The following NEK1 variants were observed in gnomAD, a reference collection of about 807,000 sequenced individuals.
The protein encoded by NEK1 is serine/threonine-protein kinase Nek1.
A neutral mutation model predicts 182.1 loss-of-function variants in NEK1; 137 were observed. That is an observed-to-expected ratio of 0.75 (90% CI 0.65 to 0.87). NEK1 has a LOEUF of 0.87. NEK1 is among the 40% of genes least tolerant of loss of function. The pLI, the probability that NEK1 is intolerant of heterozygous loss-of-function variation, is 0.00. For synonymous variants in NEK1, 513 were observed against 492.2 expected, an observed-to-expected ratio of 1.04 and a Z score of -0.56; for missense variants, 1,391 against 1,494.4, an observed-to-expected ratio of 0.93 and a Z score of 1.14.
intron 27 of NEK1, among the ~76,000 whole-genome samples, chr4:169,459,734 C>A (rs1412358219): frequency 6.6e-6 from 1 of 152,116 alleles, no homozygotes; most frequent in Non-Finnish European, 1.5e-5. Context: ...AAAAAGATTA[C>A]AGAGGAACCT....
chr4:169,526,254 T>C (rs1756879089), intron 19 of NEK1, among the ~76,000 whole-genome samples: 1 of 152,208 alleles, frequency 6.6e-6, no homozygotes, highest in Non-Finnish European at 1.5e-5. Flanking sequence ...TTTGGTAGAC[T>C]GACATGGGAG....
At chr4:169,421,216 T>C (rs1275645466) in intron 31 of NEK1, among the ~76,000 whole-genome samples, 1 of 152,138 alleles carries the variant, frequency 6.6e-6, no homozygotes, top group African/African-American at 2.4e-5. Flanking sequence ...TTTCAGTAAT[T>C]GATAAGTAGA....
intron 31 of NEK1, among the ~76,000 whole-genome samples, chr4:169,407,992 T>A (rs1461545397): frequency 6.6e-6 from 1 of 152,254 alleles, no homozygotes. Flanking sequence ...GTATTTCTTT[T>A]GCTGAATTTC....
At chr4:169,551,232 C>A (rs570281036) in intron 18 of NEK1, among the ~76,000 whole-genome samples, 14 of 152,052 alleles carry the variant, frequency 9.2e-5, no homozygotes, top group African/African-American at 3.4e-4. Flanking sequence ...AATACTGGCC[C>A]AGGGGCAATA....
intron 19 of NEK1, among the ~76,000 whole-genome samples, chr4:169,523,439 G>A (rs1756414514): frequency 6.6e-6 from 1 of 152,186 alleles, no homozygotes; most frequent in Non-Finnish European, 1.5e-5. Flanking sequence ...AACACAACAT[G>A]AAGATGAAGG....
In NEK1 at chr4:169,580,851, G is replaced by C. The variant is rs35222922; in HGVS notation, c.859C>G (p.Pro287Ala). The C allele has an allele frequency of 1.1e-4, 172 of 1,529,084 alleles. No homozygotes were observed. The East Asian group carries it at 3.4e-3, about 30-fold the overall frequency. 94.7% of individuals were successfully genotyped at this position (1,529,084 alleles called of 1,614,324 possible). ...ATCAGATTTCATTTACCTGGTATAG[G>C]CTGTGATCCAAACTTCGAAAATGTT... ...LKTFSKFGSQ[P>A]IPAKRPASGQ... is the part of the protein sequence containing the mutation. The change falls in exon 11 of 36, where the codon CCT becomes GCT. Residue 287 changes from proline to alanine, a missense_variant. By Grantham distance (27) the Pro-to-Ala change is conservative. Transcript: ENST00000507142.
At chr4:169,455,118 A>C (rs1742596421) in intron 27 of NEK1, among the ~76,000 whole-genome samples, 1 of 152,164 alleles carries the variant, frequency 6.6e-6, no homozygotes, top group African/African-American at 2.4e-5. Flanking sequence ...ATAGGTGGGA[A>C]CTGAACAATG....
At chr4:169,576,023 G>A (rs749080551) in intron 12 of NEK1, among the ~76,000 whole-genome samples, 1 of 151,406 alleles carries the variant, frequency 6.6e-6, no homozygotes, top group African/African-American at 2.4e-5. Context: ...TAGTGCAGTG[G>A]CGCACTCTTT....
At chr4:169,559,261 C>CGG (rs1202539870) in intron 16 of NEK1, among the ~76,000 whole-genome samples, 1 of 152,058 alleles carries the variant, frequency 6.6e-6, no homozygotes, top group African/African-American at 2.4e-5. Flanking sequence ...GTGCTAATCA[C>CGG]GGACTTGATA....
At chr4:169,534,644 A>G (rs1218418798) in intron 19 of NEK1, among the ~76,000 whole-genome samples, 1 of 152,220 alleles carries the variant, frequency 6.6e-6, no homozygotes, top group Non-Finnish European at 1.5e-5. Context: ...TATTCAAAAG[A>G]GTAGTGCTAT....
At chr4:169,416,238 A>G (rs1001828922) in intron 31 of NEK1, among the ~76,000 whole-genome samples, 2 of 152,154 alleles carry the variant, frequency 1.3e-5, no homozygotes, top group Admixed American at 6.5e-5. Flanking sequence ...TGTCTTATCC[A>G]CCATGCGAAC....
intron 24 of NEK1, chr4:169,478,284 A>G (rs1747342799): frequency 6.6e-6 from 1 of 152,078 alleles, no homozygotes; most frequent in Admixed American, 6.6e-5. Flanking sequence ...GTAATACTTA[A>G]AAAAAATTAA....
At chr4:169,525,501 A>C (rs910791950) in intron 19 of NEK1, among the ~76,000 whole-genome samples, 1 of 152,208 alleles carries the variant, frequency 6.6e-6, no homozygotes, top group Non-Finnish European at 1.5e-5. Flanking sequence ...TTCAAAATAA[A>C]CTTAGCGTTG....
At chr4:169,552,748 T>C (rs1297151294) in intron 18 of NEK1, among the ~76,000 whole-genome samples, 2 of 152,034 alleles carry the variant, frequency 1.3e-5, no homozygotes, top group East Asian at 1.9e-4. Context: ...AGTTGCAGGA[T>C]AGAAGGTTAA....
At chr4:169,581,955 C>T (rs867954319) in intron 10 of NEK1, among the ~76,000 whole-genome samples, 18 of 151,852 alleles carry the variant, frequency 1.2e-4, no homozygotes, top group South Asian at 4.2e-4. Context: ...TTAGTATAAA[C>T]GCTCCATTAT....
At position 169,568,543 on chromosome 4, in the gene NEK1, T is replaced by C. The variant is rs372951712; in HGVS notation, c.1021-6347A>G. Among the ~76,000 whole-genome samples the C allele has an allele frequency of 2.0e-4, 31 of 152,180 alleles. 1 individual carries two copies. The South Asian group carries it at 6.4e-3, about 32-fold the overall frequency. ...CTACTGATAATCACAAGTAAAAATA[T>C]ACAAAAAGTATATATAACACTAAGT... On this transcript the variant is annotated intron_variant, in intron 12 of 35. Coordinates refer to ENST00000507142, the MANE Select transcript of NEK1 (RefSeq NM_001199397.3).
chr4:169,505,859 A>T (rs1753168838), intron 23 of NEK1, among the ~76,000 whole-genome samples: 1 of 152,192 alleles, frequency 6.6e-6, no homozygotes, highest in East Asian at 1.9e-4. Flanking sequence ...AGGAAAAAAA[A>T]CCTTTAAAGA....
At chr4:169,525,900 TTAC>T (rs1756825657) in intron 19 of NEK1, among the ~76,000 whole-genome samples, 1 of 152,212 alleles carries the variant, frequency 6.6e-6, no homozygotes, top group African/African-American at 2.4e-5. Flanking sequence ...TTTCTGGGCA[TTAC>T]TACGTGATCT....
chr4:169,599,249 T>C (rs769288487), intron 4 of NEK1, 52 bp from the exon 5 acceptor site: 13 of 1,339,306 alleles, frequency 9.7e-6, no homozygotes, highest in Admixed American at 1.9e-5. Context: ...ATCAAAAGCA[T>C]GGCTAAATTA....
Sources: gnomAD v4.1 joint callset for allele counts (sites outside exome capture counted in the v4.1 genomes callset) on GRCh38, gnomAD v4.1.1 for gene constraint, MANE v1.5 for transcripts, NCBI Gene and HGNC (gene_info 2026-07-23, HGNC 2026-07-21) for gene names.